The following DLX1 variants were observed in gnomAD, a reference collection of about 807,000 sequenced individuals.
The protein encoded by DLX1 is distal-less homeobox 1.
In DLX1, 7 loss-of-function variants were observed where a neutral mutation model predicts 25.0. That is an observed-to-expected ratio of 0.28 (90% CI 0.16 to 0.52). DLX1 has a LOEUF of 0.52. Ranked by LOEUF, DLX1 falls within the 20% of genes least tolerant of loss-of-function variation. DLX1 has a pLI of 0.96. For synonymous variants in DLX1, 155 were observed against 140.3 expected, an observed-to-expected ratio of 1.10 and a Z score of -0.74; for missense variants, 233 against 334.4, an observed-to-expected ratio of 0.70 and a Z score of 2.37.
At chr2:172,086,970 T>A in intron 2 of DLX1, 117 bp downstream of exon 2, 1 of 1,041,568 alleles carries the variant, frequency 9.6e-7, no homozygotes, top group Non-Finnish European at 1.5e-6. Context: ...TGTGTATGTG[T>A]TTGTGTCCAC....
chr2:172,086,956 AC>A, intron 2 of DLX1, 103 bp downstream of exon 2: 1 of 1,195,824 alleles, frequency 8.4e-7, no homozygotes, highest in Non-Finnish European at 1.2e-6. Flanking sequence ...TCGGGGTGTC[AC>A]TGTGTGTATG....
At chr2:172,087,291 T>A (rs1690862480) in intron 2 of DLX1, 1 of 374,326 alleles carries the variant, frequency 2.7e-6, no homozygotes, top group Non-Finnish European at 5.2e-6. Flanking sequence ...TGGGGGGAGA[T>A]CCTTTCCTCC....
chr2:172,087,900 G>C, intron 2 of DLX1, 103 bp from the exon 3 acceptor site: 1 of 1,451,134 alleles, frequency 6.9e-7, no homozygotes, highest in Non-Finnish European at 9.3e-7. Flanking sequence ...GCGCAGGGTT[G>C]GGAGGTCCTA....
chr2:172,086,521 C>A, intron 1 of DLX1, 133 bp from the exon 2 acceptor site: 1 of 907,044 alleles, frequency 1.1e-6, no homozygotes, highest in Non-Finnish European at 1.6e-6. Context: ...CCTTCCCTGG[C>A]TTTCAGAGTT....
At chr2:172,086,580 A>T in intron 1 of DLX1, 74 bp from the exon 2 acceptor site, 1 of 1,412,734 alleles carries the variant, frequency 7.1e-7, no homozygotes, top group Non-Finnish European at 9.6e-7. Context: ...TTCGGTAGCC[A>T]CTCGCTCTCG....
At position 172,089,310 on chromosome 2, in the gene DLX1, G is replaced by A. The variant is rs1241491302; in HGVS notation, c.*1053G>A. 1.3e-5 allele frequency: 2 copies of A among 152,328 alleles called. No homozygotes were observed. Among genetic ancestry groups the A allele is most frequent in the Non-Finnish European group, 2.9e-5 (2 of 68,024 alleles). 9.4% of individuals were successfully genotyped at this position (152,328 alleles called of 1,614,324 possible). On this transcript the variant is annotated 3_prime_UTR_variant, in exon 3 of 3. Transcript: ENST00000361725. ...AACAATCCCTAGAGGCTCGACCACA[G>A]AATAATGCCAGTCACCACCCTGAAC... is the stretch of plus-strand genomic sequence containing the variant.
rs1270557986 is a variant in DLX1 at position 172,085,767 on chromosome 2, G to T, written c.90G>T (p.Met30Ile). ...AGTTTGGGCCGCCCAACCAGCAAAT[G>T]TCTCCTTCTCCCATGTCCCACGGGC... ...FMEFGPPNQQMSPSPMSHGHY... is the reference protein window; with the variant it reads ...FMEFGPPNQQISPSPMSHGHY... Residue 30 changes from methionine (M) to isoleucine (I), a missense_variant, in exon 1 of 3, where the codon ATG (methionine) becomes ATT (isoleucine). Around this residue, in one of 3 missense-constraint regions of DLX1, gnomAD observed 126 missense variants for 170.4 expected, o/e 0.74. Coordinates refer to ENST00000361725, the MANE Select transcript of DLX1 (RefSeq NM_178120.5). This position sits in a 1 kb window ranked among gnomAD's most constrained non-coding sequence, Gnocchi z 4.3. 5.0e-6 allele frequency: 8 copies of T among 1,614,076 alleles called. No individual in the cohort carries two copies. In the South Asian group the frequency reaches 8.8e-5, roughly 18 times the overall value.
At chr2:172,087,656 G>A (rs1490654022) in intron 2 of DLX1, 1 of 537,876 alleles carries the variant, frequency 1.9e-6, no homozygotes, top group African/African-American at 1.9e-5. Flanking sequence ...TTGCTGGCTC[G>A]GTGTTATGCA....
chr2:172,087,858 T>C, intron 2 of DLX1, 145 bp from the exon 3 acceptor site: 1 of 1,209,986 alleles, frequency 8.3e-7, no homozygotes, highest in Non-Finnish European at 1.2e-6. Context: ...AGGAGGGATG[T>C]CTCTGCTTCT....
intron 2 of DLX1, chr2:172,087,718 G>C: frequency 1.6e-6 from 1 of 616,836 alleles, no homozygotes; most frequent in Non-Finnish European, 3.0e-6. Context: ...GCCCCTGGCA[G>C]GCTAAGGCCT....
At chr2:172,086,125 G>T in intron 1 of DLX1, 135 bp downstream of exon 1, 1 of 455,144 alleles carries the variant, frequency 2.2e-6, no homozygotes, top group Non-Finnish European at 4.0e-6. Context: ...GGTGGGGAGG[G>T]CGCGGGAGCA....
chr2:172,085,781 T>C lies in DLX1; in HGVS notation c.104T>C (p.Met35Thr), dbSNP rs756676482. 3.1e-6 allele frequency: 5 copies of C among 1,614,182 alleles called. No homozygotes were observed. The highest frequency in any genetic ancestry group is 1.7e-5 in the Admixed American group (1 of 60,028). Residue 35 changes from methionine to threonine, a missense_variant, in exon 1 of 3, where the codon ATG (methionine) becomes ACG (threonine). Physicochemically the swap from Met to Thr is moderately conservative, Grantham distance 81 (BLOSUM62 -1). Transcript: ENST00000361725. This position sits in a 1 kb window ranked among gnomAD's most constrained non-coding sequence, Gnocchi z 4.3. ...AACCAGCAAATGTCTCCTTCTCCCA[T>C]GTCCCACGGGCACTACTCCATGCAC... is the stretch of plus-strand genomic sequence containing the variant. ...PPNQQMSPSP[M>T]SHGHYSMHCL...
At chr2:172,086,533 C>CT (rs1690842047) in intron 1 of DLX1, 121 bp from the exon 2 acceptor site, 1 of 1,007,992 alleles carries the variant, frequency 9.9e-7, no homozygotes, top group Non-Finnish European at 1.4e-6. Flanking sequence ...TTCAGAGTTT[C>CT]TTGAACGTTC....
intron 2 of DLX1, 144 bp from the exon 3 acceptor site, chr2:172,087,859 C>T (rs1690874664): frequency 2.4e-6 from 3 of 1,230,944 alleles, no homozygotes; most frequent in Admixed American, 4.6e-5. Flanking sequence ...GGAGGGATGT[C>T]TCTGCTTCTC....
chr2:172,085,994 C>A lies in DLX1; in HGVS notation c.313+4C>A. On this transcript the variant is annotated splice_donor_region_variant and intron_variant, in intron 1 of 2. Transcript: ENST00000361725. The surrounding 1 kb of genome is among the most constrained non-coding windows in gnomAD (Gnocchi z 4.3). ...CAGAGCCGCCTGGAGGACCCAGGTA[C>A]GTGCGCTTGCCAGGGAGAGGGAGAG... 1 of 1,605,024 alleles carries A rather than the reference C, an allele frequency of 6.2e-7. No homozygotes were observed. Among genetic ancestry groups the A allele is most frequent in the Non-Finnish European group, 8.5e-7 (1 of 1,174,402 alleles).
chr2:172,086,398 A>G, intron 1 of DLX1: 1 of 487,096 alleles, frequency 2.1e-6, no homozygotes, highest in South Asian at 3.9e-5. Context: ...TTAAACCTCA[A>G]CTACCGCCTG....
At position 172,085,893 on chromosome 2, in the gene DLX1, C is replaced by T. The variant is rs1690827438; in HGVS notation, c.216C>T (p.Val72=). Residue 72 remains valine (V), a synonymous_variant, in exon 1 of 3, where the codon GTC becomes GTT. Coordinates refer to ENST00000361725, the MANE Select transcript of DLX1 (RefSeq NM_178120.5). This position sits in a 1 kb window ranked among gnomAD's most constrained non-coding sequence, Gnocchi z 4.3. ...SFSRPLGYPY[V]NSVSSHASSP... ...CCCGACCGCTGGGCTACCCCTACGT[C>T]AACTCGGTCAGCAGCCACGCATCCA... The T allele has an allele frequency of 4.3e-6, 7 of 1,614,120 alleles. No individual in the cohort carries two copies. The highest frequency in any genetic ancestry group is 1.6e-4 in the Middle Eastern group (1 of 6,084).
At position 172,085,899 on chromosome 2, in the gene DLX1, G is replaced by A. The variant is rs757807204; in HGVS notation, c.222G>A (p.Ser74=). ...SRPLGYPYVN[S]VSSHASSPYI... Reference sequence around the variant, plus strand: ...CGCTGGGCTACCCCTACGTCAACTCGGTCAGCAGCCACGCATCCAGCCCCT... The same window carrying A: ...CGCTGGGCTACCCCTACGTCAACTCAGTCAGCAGCCACGCATCCAGCCCCT... Residue 74 remains serine, a synonymous_variant, in exon 1 of 3, where the codon TCG becomes TCA. Transcript: ENST00000361725. This position sits in a 1 kb window ranked among gnomAD's most constrained non-coding sequence, Gnocchi z 4.3. 2 of 1,614,150 alleles carry A rather than the reference G, an allele frequency of 1.2e-6. No individual in the cohort carries two copies. Among genetic ancestry groups the A allele is most frequent in the Non-Finnish European group, 1.7e-6 (2 of 1,180,040 alleles).
Position 172,085,581 on chromosome 2 carries a change from C to T in DLX1, c.-97C>T, listed in dbSNP as rs1315639781. On this transcript the variant is annotated 5_prime_UTR_variant, in exon 1 of 3. Coordinates refer to ENST00000361725, the MANE Select transcript of DLX1 (RefSeq NM_178120.5). This position sits in a 1 kb window ranked among gnomAD's most constrained non-coding sequence, Gnocchi z 4.3. Reference sequence around the variant, plus strand: ...GAATGGAAAGTGAAAACCCCTGTTCCGCTTAAATTGGGTTCCTTCCTGTCC... The same window carrying T: ...GAATGGAAAGTGAAAACCCCTGTTCTGCTTAAATTGGGTTCCTTCCTGTCC... The T allele has an allele frequency of 1.5e-6, 2 of 1,292,862 alleles. No homozygotes were observed. The highest frequency in any genetic ancestry group is 2.1e-6 in the Non-Finnish European group (2 of 930,874). 80.1% of individuals were successfully genotyped at this position (1,292,862 alleles called of 1,614,324 possible). A position where few individuals can be genotyped will look rare whatever the true frequency, so the allele number is the denominator to read the frequency against.
Sources: allele counts gnomAD v4.1 joint callset, GRCh38; gene constraint gnomAD v4.1.1; regional missense constraint gnomAD v4.1.1; non-coding constraint Gnocchi (gnomAD v3.1); transcripts MANE v1.5; gene names NCBI Gene and HGNC (gene_info 2026-07-23, HGNC 2026-07-21).